Variants in DPF3 observed in about 807,000 individuals in gnomAD.
The protein encoded by DPF3 is double PHD fingers 3, also known as zinc finger protein DPF3.
Under a neutral mutation model 56.8 loss-of-function variants are expected in DPF3, and 18 were observed. The ratio of observed to expected loss-of-function variants is 0.32; its 90% confidence interval spans 0.22 to 0.47. The LOEUF (loss-of-function observed/expected upper bound fraction) is 0.47. Among genes scored for constraint, DPF3 ranks in the 20% least tolerant of loss-of-function variants. The pLI is 1.00. For missense variants in DPF3, 403 were observed against 488.8 expected (o/e 0.82, Z 1.65); for synonymous variants, 188 against 180.2 (o/e 1.04, Z -0.35).
intron 1 of DPF3, among the ~76,000 whole-genome samples, chr14:72,875,228 C>T (rs1266488024): frequency 1.3e-5 from 2 of 152,084 alleles, no homozygotes; most frequent in Non-Finnish European, 2.9e-5. Context: ...AGGACACAGC[C>T]AAACCATATC....
At chr14:72,640,541 A>G (rs1885526188) in intron 8 of DPF3, among the ~76,000 whole-genome samples, 1 of 152,214 alleles carries the variant, frequency 6.6e-6, no homozygotes, top group Admixed American at 6.5e-5. Context: ...GGGCAGATCT[A>G]ATAATTGTGG....
intron 3 of DPF3, among the ~76,000 whole-genome samples, chr14:72,752,346 C>A (rs1380691377): frequency 6.6e-6 from 1 of 152,138 alleles, no homozygotes; most frequent in East Asian, 1.9e-4. Context: ...CTGAAGACAG[C>A]CAAATAGTCA....
intron 4 of DPF3, among the ~76,000 whole-genome samples, chr14:72,730,697 C>A (rs1889605241): frequency 1.3e-5 from 2 of 151,052 alleles, no homozygotes; most frequent in Non-Finnish European, 2.9e-5. Context: ...ATAGGTATAG[C>A]ATAAAATATA....
At chr14:72,864,959 C>T (rs900156287) in intron 1 of DPF3, among the ~76,000 whole-genome samples, 2 of 152,034 alleles carry the variant, frequency 1.3e-5, no homozygotes, top group East Asian at 1.9e-4. Context: ...TAAGTCAGGA[C>T]GAGGGGAGGG....
At chr14:72,622,931 C>T (rs930052046) in intron 9 of DPF3, among the ~76,000 whole-genome samples, 1 of 152,200 alleles carries the variant, frequency 6.6e-6, no homozygotes, top group Non-Finnish European at 1.5e-5. Context: ...AGCCAAAGAC[C>T]AGCGTCAACC....
At chr14:72,827,545 G>A (rs541816194) in intron 1 of DPF3, among the ~76,000 whole-genome samples, 13 of 125,170 alleles carry the variant, frequency 1.0e-4, no homozygotes, top group African/African-American at 3.6e-4. Flanking sequence ...GCACAATCTC[G>A]GCTCACTGCA....
intron 1 of DPF3, among the ~76,000 whole-genome samples, chr14:72,875,485 A>T (rs1886077992): frequency 6.6e-6 from 1 of 152,160 alleles, no homozygotes; most frequent in Non-Finnish European, 1.5e-5. Flanking sequence ...CAACCCCATA[A>T]AGACAAAAAC....
In DPF3 at chr14:72,662,636, A is replaced by G; in HGVS notation, c.871+11604T>C. 6 of 985,386 alleles carry G rather than the reference A, an allele frequency of 6.1e-6. No homozygotes were observed. In the South Asian group the frequency reaches 2.8e-4, roughly 46 times the overall value. The allele number at this position is 985,386 out of a possible 1,614,324, so 61.0% of individuals were successfully genotyped here. On this transcript the variant is annotated intron_variant, in intron 8 of 10. Coordinates refer to ENST00000556509, the MANE Select transcript of DPF3 (RefSeq NM_001280542.3). ...CCATTCCCAAGGCTTCTGTGGGCTG[A>G]GCTGAGTTGCGCTGCAGGATTTTCC...
intron 3 of DPF3, among the ~76,000 whole-genome samples, chr14:72,745,161 C>T (rs1444242258): frequency 6.6e-6 from 1 of 152,136 alleles, no homozygotes; most frequent in Admixed American, 6.5e-5. Context: ...CTCAGCCTTC[C>T]AGTTTCCATA....
chr14:72,862,288 CGAAG>C (rs1885470103), intron 1 of DPF3, among the ~76,000 whole-genome samples: 1 of 152,148 alleles, frequency 6.6e-6, no homozygotes, highest in African/African-American at 2.4e-5. Flanking sequence ...GCCTTCCAGA[CGAAG>C]TGGAGCCCAC....
intron 2 of DPF3, among the ~76,000 whole-genome samples, chr14:72,753,955 C>A (rs895284467): frequency 1.3e-5 from 2 of 151,880 alleles, no homozygotes; most frequent in Non-Finnish European, 2.9e-5. Context: ...GACCAGGCCA[C>A]ATGACCTGCA....
intron 1 of DPF3, among the ~76,000 whole-genome samples, chr14:72,872,226 G>A (rs976307321): frequency 8.5e-5 from 13 of 152,162 alleles, no homozygotes; most frequent in Admixed American, 1.3e-4. Flanking sequence ...GGGCACCCAC[G>A]AAACTTCTTT....
chr14:72,827,834 C>A (rs571155124), intron 1 of DPF3, among the ~76,000 whole-genome samples: 1 of 152,142 alleles, frequency 6.6e-6, no homozygotes, highest in African/African-American at 2.4e-5. Context: ...TGCCTGTACT[C>A]CGAGCATCTC....
At chr14:72,893,765 GAGCGCT>G (rs1886874416) in intron 1 of DPF3, among the ~76,000 whole-genome samples, 1 of 152,130 alleles carries the variant, frequency 6.6e-6, no homozygotes, top group Non-Finnish European at 1.5e-5. Flanking sequence ...TCCTGCTGTA[GAGCGCT>G]CGAGCGCCGG....
chr14:72,806,456 C>T (rs1206931202), intron 1 of DPF3, among the ~76,000 whole-genome samples: 2 of 152,224 alleles, frequency 1.3e-5, no homozygotes, highest in Non-Finnish European at 2.9e-5. Flanking sequence ...CATCTCTCCA[C>T]ACTCCGCTCT....
rs1883948546 is a variant in DPF3, at chr14:72,614,424, C to G, written c.*4873G>C. Among the ~76,000 whole-genome samples, 1 of 152,170 alleles carries G rather than the reference C, an allele frequency of 6.6e-6. No homozygotes were observed. Among genetic ancestry groups the G allele is most frequent in the African/African-American group, 2.4e-5 (1 of 41,442 alleles). ...ACAGCAGGAAGAGGAGGAGCTCTGT[C>G]CACTTTGCAGAGGGGAGAGGAGCAG... On this transcript the variant is annotated 3_prime_UTR_variant, in exon 11 of 11. Coordinates refer to ENST00000556509, the MANE Select transcript of DPF3 (RefSeq NM_001280542.3).
intron 7 of DPF3, among the ~76,000 whole-genome samples, chr14:72,688,881 AG>A (rs1887549004): frequency 6.6e-6 from 1 of 152,188 alleles, no homozygotes; most frequent in Non-Finnish European, 1.5e-5. Flanking sequence ...TATTTCCCAG[AG>A]GGGAGTGTTT....
intron 1 of DPF3, among the ~76,000 whole-genome samples, chr14:72,868,015 C>T (rs1885746682): frequency 6.6e-6 from 1 of 152,112 alleles, no homozygotes; most frequent in Non-Finnish European, 1.5e-5. Flanking sequence ...TGCTGGATTA[C>T]TGAGCCACCA....
At chr14:72,832,056 A>C (rs1202879108) in intron 1 of DPF3, among the ~76,000 whole-genome samples, 1 of 152,074 alleles carries the variant, frequency 6.6e-6, no homozygotes, top group African/African-American at 2.4e-5. Context: ...CATCTCAACA[A>C]AAAAATTAAA....
Sources: allele counts gnomAD v4.1 joint callset (sites outside exome capture counted in the v4.1 genomes callset), GRCh38; gene constraint gnomAD v4.1.1; transcripts MANE v1.5; gene names NCBI Gene and HGNC (gene_info 2026-07-23, HGNC 2026-07-21).